The following MBNL3 variants were observed in gnomAD, a reference collection of about 807,000 sequenced individuals.
MBNL3 encodes the protein muscleblind like splicing regulator 3.
In MBNL3, 6 loss-of-function variants were observed where a neutral mutation model predicts 24.5. The observed-to-expected ratio is 0.25, with a 90% CI of 0.13 to 0.48. The LOEUF is 0.48. MBNL3 is among the 20% of genes least tolerant of loss of function. The pLI, the probability that MBNL3 is intolerant of heterozygous loss-of-function variation, is 0.99. For missense variants in MBNL3, 230 were observed against 293.5 expected (o/e 0.78, Z 1.58); for synonymous variants, 100 against 101.7 (o/e 0.98, Z 0.10).
At chrX:132,473,730 AT>A (rs1364824115) in intron 1 of MBNL3, among the ~76,000 whole-genome samples, 1 of 111,582 alleles carries the variant, frequency 9.0e-6, no homozygotes, top group South Asian at 3.7e-4. Context: ...TTCAACCTCA[AT>A]TCTCAGGCAT....
chrX:132,396,382 A>ATATATATTCC (rs1938386347), intron 3 of MBNL3, among the ~76,000 whole-genome samples: 4 of 78,789 alleles, frequency 5.1e-5, no homozygotes, highest in African/African-American at 2.0e-4. Flanking sequence ...ATATATATTC[A>ATATATATTCC]TATATATATT....
chrX:132,403,587 G>A (rs1192407593), intron 3 of MBNL3, among the ~76,000 whole-genome samples: 1 of 111,933 alleles, frequency 8.9e-6, no homozygotes, highest in Non-Finnish European at 1.9e-5. Flanking sequence ...GAAAGCACAA[G>A]TGAAGAGGCT....
chrX:132,406,115 G>T, intron 3 of MBNL3, 113 bp downstream of exon 3: 1 of 878,052 alleles, frequency 1.1e-6, no homozygotes, highest in South Asian at 2.1e-5. Context: ...TAGTGTCAAT[G>T]AACATATTAG....
intron 1 of MBNL3, among the ~76,000 whole-genome samples, chrX:132,448,389 G>A (rs895353288): frequency 8.1e-5 from 9 of 111,588 alleles, no homozygotes; most frequent in Admixed American, 6.7e-4. Flanking sequence ...CATGTGTCCA[G>A]GAATTTATCC....
At chrX:132,488,045 T>C (rs1211929989) in intron 1 of MBNL3, among the ~76,000 whole-genome samples, 1 of 112,324 alleles carries the variant, frequency 8.9e-6, no homozygotes, top group Non-Finnish European at 1.9e-5. Flanking sequence ...TTGTTTTAAT[T>C]GATTCTTTCC....
chrX:132,425,762 A>T (rs1836179907), intron 2 of MBNL3, among the ~76,000 whole-genome samples: 3 of 111,792 alleles, frequency 2.7e-5, no homozygotes, highest in South Asian at 7.4e-4. Context: ...CTAGACCATT[A>T]CTACATAATC....
intron 1 of MBNL3, among the ~76,000 whole-genome samples, chrX:132,471,189 C>T (rs759844598): frequency 2.7e-5 from 3 of 111,378 alleles, no homozygotes; most frequent in Non-Finnish European, 3.8e-5. Context: ...CACTTCTTCC[C>T]GCCACTTCTT....
chrX:132,467,454 G>T (rs183336459), intron 1 of MBNL3, among the ~76,000 whole-genome samples: 47 of 112,023 alleles, frequency 4.2e-4, no homozygotes, highest in Non-Finnish European at 3.4e-4. Flanking sequence ...TTTAAGGGAA[G>T]TTCTGATTAA....
intron 2 of MBNL3, among the ~76,000 whole-genome samples, chrX:132,408,027 A>G: frequency 1.1e-5 from 1 of 90,288 alleles, no homozygotes. Flanking sequence ...AGTTCCATCT[A>G]TTTGTACAAT....
At chrX:132,474,666 A>G (rs1170403027) in intron 1 of MBNL3, among the ~76,000 whole-genome samples, 3 of 111,918 alleles carry the variant, frequency 2.7e-5, no homozygotes, top group Non-Finnish European at 5.6e-5. Flanking sequence ...TCCATGCTTG[A>G]CAGACATTTT....
intron 2 of MBNL3, among the ~76,000 whole-genome samples, chrX:132,419,893 C>G (rs903715136): frequency 3.6e-5 from 4 of 112,122 alleles, no homozygotes; most frequent in Non-Finnish European, 7.5e-5. Context: ...ATAAACACAA[C>G]AATTCTATTC....
At chrX:132,489,471 G>A (rs1284576695), upstream of MBNL3, among the ~76,000 whole-genome samples, 5 of 111,263 alleles carry the variant, frequency 4.5e-5, no homozygotes, top group African/African-American at 1.6e-4. Flanking sequence ...AGCTACCATA[G>A]CAACCCCGGT....
chrX:132,476,922 AC>A (rs1335007638), intron 1 of MBNL3, among the ~76,000 whole-genome samples: 1 of 110,390 alleles, frequency 9.1e-6, no homozygotes, highest in East Asian at 2.8e-4. Context: ...TCACACTCAA[AC>A]CCCCCACACC....
chrX:132,448,954 G>A (rs1945892568), intron 1 of MBNL3, among the ~76,000 whole-genome samples: 1 of 112,050 alleles, frequency 8.9e-6, no homozygotes, highest in African/African-American at 3.3e-5. Context: ...GCAGTTTTGA[G>A]TGAGTTTCTT....
At chrX:132,462,137 T>C (rs956191238) in intron 1 of MBNL3, among the ~76,000 whole-genome samples, 1 of 111,963 alleles carries the variant, frequency 8.9e-6, no homozygotes. Flanking sequence ...TCAGTTCTGA[T>C]AACTGGAGTT....
chrX:132,485,937 A>G (rs1019295687), intron 1 of MBNL3, among the ~76,000 whole-genome samples: 1 of 112,421 alleles, frequency 8.9e-6, no homozygotes, highest in African/African-American at 3.2e-5. Flanking sequence ...ACAATGTCAT[A>G]AGAAAACTCA....
At chrX:132,414,448 G>T (rs748788857) in intron 2 of MBNL3, among the ~76,000 whole-genome samples, 5 of 112,033 alleles carry the variant, frequency 4.5e-5, no homozygotes, top group Non-Finnish European at 9.4e-5. Flanking sequence ...GCATTTGCCA[G>T]AGTGTGTACC....
upstream of MBNL3, among the ~76,000 whole-genome samples, chrX:132,489,660 G>A (rs1216442509): frequency 2.8e-5 from 3 of 107,442 alleles, no homozygotes; most frequent in African/African-American, 1.0e-4. Context: ...GCGCCAGCGA[G>A]GGGCTTTAGG....
At chrX:132,487,940 T>C (rs1350270479) in intron 1 of MBNL3, among the ~76,000 whole-genome samples, 1 of 111,745 alleles carries the variant, frequency 8.9e-6, no homozygotes, top group Non-Finnish European at 1.9e-5. Flanking sequence ...TTTCCAAACA[T>C]TATATCAGTA....
Sources: allele counts gnomAD v4.1 joint callset (sites outside exome capture counted in the v4.1 genomes callset), GRCh38; gene constraint gnomAD v4.1.1; transcripts MANE v1.5; gene names NCBI Gene and HGNC (gene_info 2026-07-23, HGNC 2026-07-21).